C4orf50: variants seen among roughly 807,000 people sequenced by gnomAD.
C4orf50 encodes the protein chromosome 4 open reading frame 50.
A neutral mutation model predicts 77.2 loss-of-function variants in C4orf50; 80 were observed. The observed-to-expected ratio is 1.04, with a 90% CI of 0.87 to 1.25. The LOEUF (loss-of-function observed/expected upper bound fraction) is 1.25. Among genes scored for constraint, C4orf50 ranks in the 50% most tolerant of loss-of-function variants. The pLI is 0.00. For synonymous variants in C4orf50, 532 were observed against 465.3 expected, an observed-to-expected ratio of 1.14 and a Z score of -1.84; for missense variants, 1,257 against 1,152.9, an observed-to-expected ratio of 1.09 and a Z score of -1.31.
intron 7 of C4orf50, among the ~76,000 whole-genome samples, chr4:5,935,090 T>C (rs909085522): frequency 6.6e-6 from 1 of 152,230 alleles, no homozygotes; most frequent in African/African-American, 2.4e-5. Flanking sequence ...CAGGAAGCTC[T>C]AGGTTCATAA....
chr4:6,013,102 G>A (rs1367466107), intron 23 of C4orf50, among the ~76,000 whole-genome samples: 1 of 152,194 alleles, frequency 6.6e-6, no homozygotes, highest in Non-Finnish European at 1.5e-5. Context: ...TAAAATAGAG[G>A]TCATTAACCT....
intron 31 of C4orf50, among the ~76,000 whole-genome samples, chr4:5,969,872 G>A (rs576847984): frequency 6.6e-6 from 1 of 152,290 alleles, no homozygotes; most frequent in Non-Finnish European, 1.5e-5. Flanking sequence ...AGCACAGGAA[G>A]CTCAGGAGTT....
At chr4:5,969,621 C>A (rs550713846) in intron 31 of C4orf50, among the ~76,000 whole-genome samples, 1 of 152,122 alleles carries the variant, frequency 6.6e-6, no homozygotes, top group East Asian at 1.9e-4. Context: ...GCCCCAAAAG[C>A]TGTTGGGTGC....
At chr4:5,987,412 C>CAAAAAAAAAAAAAAAAAAAAAAAAAAAAA (rs58512584) in intron 28 of C4orf50, among the ~76,000 whole-genome samples, 5 of 33,648 alleles carry the variant, frequency 1.5e-4, no homozygotes, top group Non-Finnish European at 1.7e-4. Flanking sequence ...CTCTGTCTCA[C>CAAAAAAAAAAAAAAAAAAAAAAAAAAAAA]AAAAAAAAAA....
rs527467602 is a variant in C4orf50 at position 5,996,540 on chromosome 4, C to T, written c.964-2064G>A. ...CACACTGTCTGGACCTCTCTTCCCA[C>T]CCTCTGCCTGGTCAACCTCCTCCCC... On this transcript the variant is annotated intron_variant, in intron 25 of 33. Coordinates refer to ENST00000531445, the Ensembl canonical transcript of C4orf50. Among the ~76,000 whole-genome samples the T allele has an allele frequency of 6.2e-4, 94 of 152,046 alleles. 1 individual carries two copies. Among genetic ancestry groups the T allele is most frequent in the Non-Finnish European group, 8.1e-4 (55 of 68,014 alleles).
chr4:6,011,336 A>ACGGCCC lies in C4orf50; in HGVS notation c.426+488_426+493dup, dbSNP rs778293406. On this transcript the variant is annotated intron_variant, in intron 24 of 33. Coordinates refer to ENST00000531445, the Ensembl canonical transcript of C4orf50. The surrounding 1 kb of genome is among the most constrained non-coding windows in gnomAD (Gnocchi z 4.2). ...CTGTGTTCTCCCACACCTCTGTGCT[A>ACGGCCC]CGGCCCCGTGCTGTCAGCCACGCCT... Among the ~76,000 whole-genome samples, 2 of 151,948 alleles carry ACGGCCC rather than the reference A, an allele frequency of 1.3e-5. No homozygotes were observed. The highest frequency in any genetic ancestry group is 2.4e-5 in the African/African-American group (1 of 41,358).
At chr4:6,003,919 G>A (rs1424522118) in intron 25 of C4orf50, among the ~76,000 whole-genome samples, 576 of 32,330 alleles carry the variant, frequency 0.018, 17 homozygotes, top group Non-Finnish European at 0.028. Flanking sequence ...GTTGATGATG[G>A]TGGTGATGGT....
At chr4:5,976,778 C>T (rs1387521749) in intron 29 of C4orf50, among the ~76,000 whole-genome samples, 1 of 152,226 alleles carries the variant, frequency 6.6e-6, no homozygotes, top group Non-Finnish European at 1.5e-5. Context: ...AGCCCTGGCA[C>T]CTGTCAGTGA....
At position 5,947,120 on chromosome 4, in the gene C4orf50, G is replaced by T. The variant is rs995743188; in HGVS notation, c.*2474+9781C>A. On this transcript the variant is annotated intron_variant, in intron 7 of 7. Transcript: ENST00000324058. ...AAGGTGGAATATTCTGAACAGTAAT[G>T]TATTATTTTATTCTTTTTATTATTT... Among the ~76,000 whole-genome samples, 3 of 152,104 alleles carry T rather than the reference G, an allele frequency of 2.0e-5. No individual in the cohort carries two copies. In the East Asian group the frequency reaches 5.8e-4, roughly 29 times the overall value.
downstream of C4orf50, among the ~76,000 whole-genome samples, chr4:5,953,660 G>T (rs1289391494): frequency 6.6e-6 from 1 of 152,190 alleles, no homozygotes; most frequent in South Asian, 2.1e-4. Flanking sequence ...GCAGGAGGGC[G>T]CATGGGGGCA....
At chr4:5,982,701 A>G (rs1457640121) in intron 28 of C4orf50, among the ~76,000 whole-genome samples, 1 of 152,124 alleles carries the variant, frequency 6.6e-6, no homozygotes, top group Non-Finnish European at 1.5e-5. Context: ...GGTATCATTG[A>G]AGGCAGAGTT....
intron 7 of C4orf50, among the ~76,000 whole-genome samples, chr4:5,949,916 G>A (rs1200378045): frequency 6.7e-6 from 1 of 149,538 alleles, no homozygotes; most frequent in Non-Finnish European, 1.5e-5. Context: ...TTGAACCTGG[G>A]AGGCAGAAGT....
chr4:5,922,555 G>A (rs1051206481), intron 7 of C4orf50, among the ~76,000 whole-genome samples: 2 of 152,150 alleles, frequency 1.3e-5, no homozygotes, highest in Non-Finnish European at 2.9e-5. Context: ...GGGCAGGCGT[G>A]GCATGCCATG....
At chr4:5,990,586 G>A in exon 28 of C4orf50, 1 of 399,116 alleles carries the variant, frequency 2.5e-6, no homozygotes, top group Non-Finnish European at 4.4e-6. Context: ...TTGTCCATCT[G>A]AGGGAACCTC....
intron 7 of C4orf50, among the ~76,000 whole-genome samples, chr4:5,918,964 C>T (rs4404490): frequency 0.9 from 137,120 of 152,160 alleles, 61,925 homozygotes; most frequent in African/African-American, 0.96. Flanking sequence ...TGAGAATCAC[C>T]GGTCCAGACT....
At chr4:5,926,077 G>A (rs1169247640) in intron 7 of C4orf50, among the ~76,000 whole-genome samples, 1 of 152,200 alleles carries the variant, frequency 6.6e-6, no homozygotes, top group South Asian at 2.1e-4. Context: ...GCTCCAGGGA[G>A]TTTTCCTTTC....
intron 31 of C4orf50, among the ~76,000 whole-genome samples, chr4:5,972,408 T>C (rs1335882959): frequency 1.3e-5 from 2 of 152,188 alleles, no homozygotes; most frequent in African/African-American, 2.4e-5. Flanking sequence ...CTCACCCTTA[T>C]TCTAGTTCTG....
intron 24 of C4orf50, among the ~76,000 whole-genome samples, chr4:6,010,490 A>G (rs887747233): frequency 2.6e-5 from 4 of 152,204 alleles, no homozygotes; most frequent in African/African-American, 9.6e-5. Context: ...CATCATGCTC[A>G]TTATACACAC....
At chr4:5,918,519 G>T (rs550044587) in intron 7 of C4orf50, among the ~76,000 whole-genome samples, 10 of 152,222 alleles carry the variant, frequency 6.6e-5, no homozygotes, top group African/African-American at 2.4e-4. Context: ...TGGGCTCCTG[G>T]TCTGGGTCCA....
Sources: gnomAD v4.1 joint callset for allele counts (sites outside exome capture counted in the v4.1 genomes callset) on GRCh38, gnomAD v4.1.1 for gene constraint, Gnocchi (gnomAD v3.1) non-coding constraint, MANE v1.5 for transcripts, NCBI Gene and HGNC (gene_info 2026-07-23, HGNC 2026-07-21) for gene names.